Variants in ADAMTSL3 observed in about 807,000 individuals in gnomAD.
ADAMTSL3 encodes ADAMTS like 3.
ADAMTSL3 carries 128 observed loss-of-function variants against 201.7 expected under a neutral mutation model. The ratio of observed to expected loss-of-function variants is 0.63; its 90% CI spans 0.55 to 0.73. The LOEUF is 0.73. Among genes scored for constraint, ADAMTSL3 ranks in the 30% least tolerant of loss-of-function variants. The probability of loss-of-function intolerance (pLI) is 0.00; values close to 1 mark genes in which losing one functional copy is unlikely to be tolerated. For synonymous variants in ADAMTSL3, 738 were observed against 748.4 expected (o/e 0.99, Z 0.23); for missense variants, 1,990 against 2,119.6 (o/e 0.94, Z 1.20).
intron 5 of ADAMTSL3, among the ~76,000 whole-genome samples, chr15:83,818,438 T>C (rs916369144): frequency 3.3e-5 from 5 of 152,066 alleles, no homozygotes; most frequent in Non-Finnish European, 7.4e-5. Flanking sequence ...GCAATTCTCC[T>C]GCCTCAGCCT....
intron 5 of ADAMTSL3, among the ~76,000 whole-genome samples, chr15:83,805,565 A>T (rs1189553370): frequency 4.0e-5 from 6 of 151,838 alleles, no homozygotes; most frequent in African/African-American, 7.3e-5. Context: ...TCAAAAAAAA[A>T]AAAATAAATA....
Position 83,890,056 on chromosome 15 carries a change from A to C in ADAMTSL3, c.1073-53A>C, listed in dbSNP as rs17158548. Reference sequence around the variant, plus strand: ...GTGTGTGGCAAGTGATAACTCTGCCAAGTAAAAATGAAACGGATGCAATAT... The same window carrying C: ...GTGTGTGGCAAGTGATAACTCTGCCCAGTAAAAATGAAACGGATGCAATAT... On this transcript the variant is annotated intron_variant, in intron 10 of 29. Transcript: ENST00000286744. 5.2e-3 allele frequency: 8,146 copies of C among 1,564,094 alleles called. 329 individuals are homozygous for C. In the African/African-American group the frequency reaches 0.09, roughly 17 times the overall value.
rs192081760 is a variant in ADAMTSL3, at chr15:84,002,775, C to T, written c.3973+11561C>T. On this transcript the variant is annotated intron_variant, in intron 23 of 29. Coordinates refer to ENST00000286744, the MANE Select transcript of ADAMTSL3 (RefSeq NM_207517.3). ...TTCTTATAAAAAAAATTTTAAAGAACTTGTTCTGATACTAATGTTTGAAAG... is the reference window on the plus strand; with the variant it reads ...TTCTTATAAAAAAAATTTTAAAGAATTTGTTCTGATACTAATGTTTGAAAG... Among the ~76,000 whole-genome samples the T allele has an allele frequency of 1.9e-4, 29 of 152,140 alleles. No homozygotes were observed. In the East Asian group the frequency reaches 5.6e-3, roughly 29 times the overall value.
chr15:83,804,701 T>C lies in ADAMTSL3; in HGVS notation c.363+6T>C, dbSNP rs2063577147. ...ACAAGACATGCAGCAATCATGTAAG[T>C]CATAAAATAAAATTATTTTATCCAA... On this transcript the variant is annotated splice_donor_region_variant and intron_variant, in intron 5 of 29. Coordinates refer to ENST00000286744, the MANE Select transcript of ADAMTSL3 (RefSeq NM_207517.3). 6.3e-7 allele frequency: 1 copy of C among 1,577,234 alleles called. No homozygotes were observed. Among genetic ancestry groups the C allele is most frequent in the Non-Finnish European group, 8.6e-7 (1 of 1,162,736 alleles).
At position 83,687,466 on chromosome 15, in the gene ADAMTSL3, G is replaced by C. The variant is rs1402851189; in HGVS notation, c.70-16923G>C. Reference sequence around the variant, plus strand: ...ACGTGTGTCTACTGGCTACTCTACTGAACAGTGCAGCTCTTAGGACTTCCT... The same window carrying C: ...ACGTGTGTCTACTGGCTACTCTACTCAACAGTGCAGCTCTTAGGACTTCCT... On this transcript the variant is annotated intron_variant, in intron 2 of 29. Transcript: ENST00000286744. 2.6e-5 allele frequency among the ~76,000 whole-genome samples: 4 copies of C among 152,194 alleles called. No homozygotes were observed. In the East Asian group the frequency reaches 7.7e-4, roughly 29 times the overall value.
intron 2 of ADAMTSL3, among the ~76,000 whole-genome samples, chr15:83,666,632 G>A (rs1176901486): frequency 6.6e-6 from 1 of 152,088 alleles, no homozygotes; most frequent in African/African-American, 2.4e-5. Flanking sequence ...GACTGCAGGA[G>A]TTCAAGACCA....
At chr15:83,671,830 C>T (rs1013910822) in intron 2 of ADAMTSL3, among the ~76,000 whole-genome samples, 2 of 152,150 alleles carry the variant, frequency 1.3e-5, no homozygotes, top group Non-Finnish European at 2.9e-5. Context: ...GCTTGCCTAG[C>T]TGTTTTTGTA....
chr15:83,682,985 A>G (rs1414985375), intron 2 of ADAMTSL3, among the ~76,000 whole-genome samples: 2 of 152,232 alleles, frequency 1.3e-5, no homozygotes, highest in Non-Finnish European at 2.9e-5. Flanking sequence ...CAGGCAGGCC[A>G]TCAAAGCTTG....
chr15:83,708,587 G>T (rs995058123), intron 3 of ADAMTSL3, among the ~76,000 whole-genome samples: 1 of 152,138 alleles, frequency 6.6e-6, no homozygotes, highest in Admixed American at 6.6e-5. Context: ...CAGGCAGCCT[G>T]GTCTTGCTTC....
At chr15:83,952,356 C>G (rs1018173454) in intron 19 of ADAMTSL3, among the ~76,000 whole-genome samples, 1 of 152,136 alleles carries the variant, frequency 6.6e-6, no homozygotes, top group African/African-American at 2.4e-5. Flanking sequence ...TGTTTTAAGA[C>G]TTCTGTAGGG....
At chr15:83,744,311 AT>A (rs1419453676) in intron 3 of ADAMTSL3, among the ~76,000 whole-genome samples, 4 of 152,090 alleles carry the variant, frequency 2.6e-5, no homozygotes, top group African/African-American at 9.7e-5. Flanking sequence ...ACCAAAAAAT[AT>A]TTTTTTCTAA....
intron 27 of ADAMTSL3, 111 bp downstream of exon 27, chr15:84,025,547 G>C (rs2068290895): frequency 1.0e-6 from 1 of 1,003,946 alleles, no homozygotes; most frequent in South Asian, 1.7e-5. Flanking sequence ...GCAGGAATCT[G>C]ACTGGTCTCT....
intron 7 of ADAMTSL3, among the ~76,000 whole-genome samples, chr15:83,849,410 G>A (rs1391954614): frequency 6.6e-6 from 1 of 152,182 alleles, no homozygotes; most frequent in Admixed American, 6.5e-5. Context: ...ACAGGCATGA[G>A]CCACCACGCC....
intron 4 of ADAMTSL3, among the ~76,000 whole-genome samples, chr15:83,787,752 G>C (rs1216389035): frequency 6.6e-6 from 1 of 152,022 alleles, no homozygotes; most frequent in Non-Finnish European, 1.5e-5. Context: ...ACGCATTAGA[G>C]TCATACTATA....
chr15:83,999,630 G>A (rs560916362), intron 23 of ADAMTSL3, among the ~76,000 whole-genome samples: 1 of 152,302 alleles, frequency 6.6e-6, no homozygotes, highest in Non-Finnish European at 1.5e-5. Context: ...ACAAACAAAT[G>A]ATGGGAAGTG....
At chr15:83,710,815 G>C (rs948254715) in intron 3 of ADAMTSL3, among the ~76,000 whole-genome samples, 1 of 152,158 alleles carries the variant, frequency 6.6e-6, no homozygotes, top group Non-Finnish European at 1.5e-5. Flanking sequence ...TGTCAGAGTT[G>C]AAAGAAAGTA....
At chr15:83,722,263 G>C (rs964932331) in intron 3 of ADAMTSL3, among the ~76,000 whole-genome samples, 9 of 152,204 alleles carry the variant, frequency 5.9e-5, no homozygotes, top group Non-Finnish European at 1.2e-4. Context: ...GGAGACTGTA[G>C]CTATGTTGGA....
intron 2 of ADAMTSL3, among the ~76,000 whole-genome samples, chr15:83,698,504 G>A (rs373303545): frequency 2.0e-5 from 3 of 152,130 alleles, no homozygotes; most frequent in African/African-American, 7.2e-5. Context: ...CCTAGGCCTG[G>A]CTCAGTGCCC....
intron 8 of ADAMTSL3, among the ~76,000 whole-genome samples, chr15:83,864,994 G>A (rs1248481879): frequency 6.6e-6 from 1 of 152,150 alleles, no homozygotes. Context: ...GCCAAATCAT[G>A]AGTGAACTCC....
Sources: allele counts gnomAD v4.1 joint callset (sites outside exome capture counted in the v4.1 genomes callset), GRCh38; gene constraint gnomAD v4.1.1; transcripts MANE v1.5; gene names NCBI Gene and HGNC (gene_info 2026-07-23, HGNC 2026-07-21).